The following CA10 variants were observed in gnomAD, a reference collection of about 807,000 sequenced individuals.
The protein encoded by CA10 is carbonic anhydrase-related protein 10.
Under a neutral mutation model 44.2 loss-of-function variants are expected in CA10, and 14 were observed. The observed-to-expected ratio is 0.32, with a 90% confidence interval of 0.21 to 0.50. The LOEUF is 0.50. Ranked by LOEUF, CA10 falls within the 20% of genes least tolerant of loss-of-function variation. The probability of loss-of-function intolerance (pLI) is 0.99; values close to 1 mark genes in which losing one functional copy is unlikely to be tolerated. For missense variants in CA10, 350 were observed against 409.7 expected, an observed-to-expected ratio of 0.85 and a Z score of 1.26; for synonymous variants, 159 against 141.6, an observed-to-expected ratio of 1.12 and a Z score of -0.87.
chr17:51,978,615 C>T (rs1402511020), intron 2 of CA10, among the ~76,000 whole-genome samples: 1 of 151,962 alleles, frequency 6.6e-6, no homozygotes, highest in Non-Finnish European at 1.5e-5. Context: ...TCTTTTTGGT[C>T]TTAAGGTAGG....
intron 1 of CA10, among the ~76,000 whole-genome samples, chr17:52,108,088 G>C (rs1402726834): frequency 1.3e-5 from 2 of 150,464 alleles, no homozygotes; most frequent in Non-Finnish European, 3.0e-5. Flanking sequence ...GAATAAGCCA[G>C]GCACTATTCT....
chr17:51,680,536 G>T (rs1265995429), intron 4 of CA10, among the ~76,000 whole-genome samples: 3 of 152,188 alleles, frequency 2.0e-5, no homozygotes, highest in Admixed American at 2.0e-4. Flanking sequence ...GAAGCCAGTG[G>T]TTCTCAAAGT....
intron 3 of CA10, among the ~76,000 whole-genome samples, chr17:51,848,270 T>A (rs1045108797): frequency 2.0e-5 from 3 of 152,246 alleles, no homozygotes; most frequent in Non-Finnish European, 4.4e-5. Flanking sequence ...AAATATTGCA[T>A]TAAAATGCTA....
At chr17:51,738,835 C>T (rs1296681311) in intron 4 of CA10, among the ~76,000 whole-genome samples, 3 of 152,112 alleles carry the variant, frequency 2.0e-5, no homozygotes, top group Non-Finnish European at 4.4e-5. Flanking sequence ...TGGGATTTGA[C>T]AGAATTCTAA....
chr17:51,633,749 G>A lies in CA10; in HGVS notation c.790-99C>T. The A allele has an allele frequency of 4.6e-6, 6 of 1,318,506 alleles. No individual in the cohort carries two copies. The South Asian group carries it at 5.8e-5, about 13-fold the overall frequency. 81.7% of individuals were successfully genotyped at this position (1,318,506 alleles called of 1,614,324 possible). ...ACTCTGGCCAAGCTAGGTGGTATTG[G>A]CTGTATGAGGAAAGGGCTGTATAAG... is the stretch of plus-strand genomic sequence containing the variant. On this transcript the variant is annotated intron_variant, in intron 7 of 8. Coordinates refer to ENST00000451037, the MANE Select transcript of CA10 (RefSeq NM_020178.5).
chr17:52,141,821 A>G (rs929255646), intron 1 of CA10, among the ~76,000 whole-genome samples: 6 of 152,186 alleles, frequency 3.9e-5, no homozygotes, highest in African/African-American at 1.2e-4. Flanking sequence ...GGAAAAACCT[A>G]TCATTACGGA....
At chr17:51,799,148 T>A (rs1323325722) in intron 3 of CA10, among the ~76,000 whole-genome samples, 1 of 152,218 alleles carries the variant, frequency 6.6e-6, no homozygotes, top group Non-Finnish European at 1.5e-5. Context: ...CTTTCCCCAA[T>A]TCAATATGGT....
intron 3 of CA10, among the ~76,000 whole-genome samples, chr17:51,773,434 A>G (rs116981152): frequency 0.011 from 1,702 of 152,354 alleles, 12 homozygotes; most frequent in Middle Eastern, 0.02. Context: ...AGCAGAGAGA[A>G]GGATGAAGTA....
chr17:51,693,102 T>C (rs1421316639), intron 4 of CA10, among the ~76,000 whole-genome samples: 1 of 152,212 alleles, frequency 6.6e-6, no homozygotes, highest in East Asian at 1.9e-4. Flanking sequence ...TTCAGCCAAT[T>C]TGGACTAGTT....
chr17:52,050,395 C>T (rs562786073), intron 2 of CA10, among the ~76,000 whole-genome samples: 2 of 152,104 alleles, frequency 1.3e-5, no homozygotes, highest in Non-Finnish European at 2.9e-5. Flanking sequence ...CTGTAATCGA[C>T]ATCTAAGCAG....
At chr17:51,700,784 G>A (rs1005299550) in intron 4 of CA10, among the ~76,000 whole-genome samples, 1 of 152,130 alleles carries the variant, frequency 6.6e-6, no homozygotes, top group South Asian at 2.1e-4. Context: ...AGATGGAGCT[G>A]GAAGCCATTA....
intron 3 of CA10, among the ~76,000 whole-genome samples, chr17:51,845,837 G>T (rs1978470456): frequency 1.3e-5 from 2 of 152,180 alleles, no homozygotes; most frequent in African/African-American, 4.8e-5. Flanking sequence ...CTGTGAATGA[G>T]TTTTATTAGT....
intron 1 of CA10, among the ~76,000 whole-genome samples, chr17:52,085,706 T>A (rs957989170): frequency 6.6e-6 from 1 of 152,228 alleles, no homozygotes; most frequent in East Asian, 1.9e-4. Context: ...AACCTCTTCA[T>A]GAGATTGTCC....
intron 3 of CA10, among the ~76,000 whole-genome samples, chr17:51,834,731 C>T (rs1418731537): frequency 4.6e-5 from 7 of 152,164 alleles, no homozygotes; most frequent in South Asian, 2.1e-4. Flanking sequence ...TCCTTGAGCA[C>T]GTTGTTGAAA....
intron 2 of CA10, among the ~76,000 whole-genome samples, chr17:51,933,983 C>T (rs896642399): frequency 4.6e-5 from 7 of 152,014 alleles, no homozygotes; most frequent in South Asian, 2.1e-4. Context: ...TTCTTTATGA[C>T]GAACAGTTTC....
At chr17:51,709,765 G>C (rs1915873733) in intron 4 of CA10, among the ~76,000 whole-genome samples, 1 of 152,190 alleles carries the variant, frequency 6.6e-6, no homozygotes, top group Non-Finnish European at 1.5e-5. Flanking sequence ...TTTGGGGAGG[G>C]AGTCAGGGAT....
At chr17:51,876,760 A>C (rs905940561) in intron 3 of CA10, among the ~76,000 whole-genome samples, 7 of 151,690 alleles carry the variant, frequency 4.6e-5, no homozygotes, top group African/African-American at 7.2e-5. Flanking sequence ...ATCCTGGTCC[A>C]TATGGTAGTA....
intron 1 of CA10, among the ~76,000 whole-genome samples, chr17:52,145,071 A>G (rs1392860040): frequency 6.6e-6 from 1 of 152,214 alleles, no homozygotes; most frequent in Non-Finnish European, 1.5e-5. Context: ...GTAGCAGTCA[A>G]TGACGACCCC....
At chr17:52,066,703 C>A (rs1987546352) in intron 2 of CA10, among the ~76,000 whole-genome samples, 1 of 152,112 alleles carries the variant, frequency 6.6e-6, no homozygotes, top group Non-Finnish European at 1.5e-5. Flanking sequence ...TTATTAGCAG[C>A]ATGAGAACAG....
Sources: gnomAD v4.1 joint callset for allele counts (sites outside exome capture counted in the v4.1 genomes callset) on GRCh38, gnomAD v4.1.1 for gene constraint, MANE v1.5 for transcripts, NCBI Gene and HGNC (gene_info 2026-07-23, HGNC 2026-07-21) for gene names.